GRID2: variants seen among roughly 807,000 people sequenced by gnomAD.
GRID2 encodes glutamate ionotropic receptor delta type subunit 2.
GRID2 carries 33 observed loss-of-function variants against 114.8 expected under a neutral mutation model. The observed-to-expected ratio is 0.29, with a 90% CI of 0.22 to 0.38. The LOEUF (loss-of-function observed/expected upper bound fraction) is 0.38, where lower values mean the gene tolerates loss of function less well. GRID2 is among the 10% of genes least tolerant of loss of function. The pLI is 1.00. For missense variants in GRID2, 1,184 were observed against 1,257.7 expected, an observed-to-expected ratio of 0.94 and a Z score of 0.89; for synonymous variants, 505 against 449.9, an observed-to-expected ratio of 1.12 and a Z score of -1.55.
At chr4:92,422,510 G>T (rs1731954295) in intron 1 of GRID2, among the ~76,000 whole-genome samples, 2 of 152,102 alleles carry the variant, frequency 1.3e-5, no homozygotes, top group Admixed American at 6.6e-5. Flanking sequence ...ACTTGGTGGG[G>T]AAGGGGAAGC....
chr4:93,798,168 TA>T (rs1287322181), intron 1 of GRID2, among the ~76,000 whole-genome samples: 2 of 151,024 alleles, frequency 1.3e-5, no homozygotes. Context: ...AGAAAAAAAA[TA>T]AAAAATAAAA....
intron 2 of GRID2, among the ~76,000 whole-genome samples, chr4:92,682,218 T>C (rs1733683203): frequency 6.6e-6 from 1 of 152,170 alleles, no homozygotes; most frequent in South Asian, 2.1e-4. Context: ...GATGGAACTA[T>C]AGCAAAATCT....
At chr4:93,434,718 T>A (rs1429434497) in intron 10 of GRID2, among the ~76,000 whole-genome samples, 1 of 152,088 alleles carries the variant, frequency 6.6e-6, no homozygotes, top group African/African-American at 2.4e-5. Flanking sequence ...GCAGCCAGAG[T>A]GATCCAGTCA....
At chr4:92,942,916 G>C (rs1047392228) in intron 2 of GRID2, among the ~76,000 whole-genome samples, 33 of 152,194 alleles carry the variant, frequency 2.2e-4, no homozygotes, top group African/African-American at 8.0e-4. Flanking sequence ...CTTCTGGCTT[G>C]TAGAGTTTCT....
chr4:93,438,487 G>C, intron 10 of GRID2, among the ~76,000 whole-genome samples: 1 of 152,024 alleles, frequency 6.6e-6, no homozygotes, highest in East Asian at 1.9e-4. Context: ...TTTTACAAAA[G>C]AGAAAAATGT....
At chr4:93,364,075 T>C (rs560543211) in intron 8 of GRID2, among the ~76,000 whole-genome samples, 1 of 152,092 alleles carries the variant, frequency 6.6e-6, no homozygotes, top group African/African-American at 2.4e-5. Context: ...TTGCTTTTTC[T>C]CATGAATAAC....
At chr4:93,193,610 C>G (rs189048902) in intron 4 of GRID2, among the ~76,000 whole-genome samples, 1 of 152,198 alleles carries the variant, frequency 6.6e-6, no homozygotes, top group Non-Finnish European at 1.5e-5. Context: ...TGTAAATTAC[C>G]CAGTCTCAAG....
chr4:93,550,491 A>G (rs1733653489), intron 13 of GRID2, among the ~76,000 whole-genome samples: 1 of 152,196 alleles, frequency 6.6e-6, no homozygotes, highest in African/African-American at 2.4e-5. Flanking sequence ...ACATTTATGA[A>G]AAAGTCATCC....
intron 14 of GRID2, among the ~76,000 whole-genome samples, chr4:93,664,201 G>A (rs1723753670): frequency 6.6e-6 from 1 of 152,204 alleles, no homozygotes. Context: ...TAAGCAGGCA[G>A]AGAGCAGAGA....
intron 14 of GRID2, among the ~76,000 whole-genome samples, chr4:93,694,363 T>G (rs2110122265): frequency 6.6e-6 from 1 of 152,318 alleles, no homozygotes; most frequent in South Asian, 2.1e-4. Context: ...TTAGCCTTAC[T>G]GTTTCCATTC....
chr4:93,083,381 C>T (rs1431147735), intron 2 of GRID2, among the ~76,000 whole-genome samples: 1 of 151,996 alleles, frequency 6.6e-6, no homozygotes, highest in Non-Finnish European at 1.5e-5. Context: ...AATTAGACCT[C>T]ACAATGTTAT....
At chr4:93,238,996 TAAG>T (rs934743317) in intron 8 of GRID2, among the ~76,000 whole-genome samples, 6 of 151,076 alleles carry the variant, frequency 4.0e-5, no homozygotes, top group South Asian at 2.1e-4. Context: ...TGATCACATG[TAAG>T]AAGAAGCTGA....
At chr4:92,472,321 T>A (rs1722086998) in intron 1 of GRID2, among the ~76,000 whole-genome samples, 1 of 152,156 alleles carries the variant, frequency 6.6e-6, no homozygotes. Context: ...GATTTGTTTA[T>A]CCACTCACAC....
intron 2 of GRID2, among the ~76,000 whole-genome samples, chr4:92,663,395 A>AT (rs1456276049): frequency 6.6e-6 from 1 of 151,146 alleles, no homozygotes; most frequent in African/African-American, 2.4e-5. Flanking sequence ...AAAGCTTAAT[A>AT]TACTAGTCAG....
chr4:92,641,831 G>GTACTTATTTGTGACTTCATAGT (rs1553911312), intron 2 of GRID2, among the ~76,000 whole-genome samples: 1 of 150,150 alleles, frequency 6.7e-6, no homozygotes, highest in Non-Finnish European at 1.5e-5. Context: ...CCCATTCTTA[G>GTACTTATTTGTGACTTCATAGT]GTCTATGTAT....
chr4:93,530,788 C>A (rs13116638), intron 13 of GRID2, among the ~76,000 whole-genome samples: 24,211 of 152,082 alleles, frequency 0.16, 2,584 homozygotes, highest in Middle Eastern at 0.27. Context: ...ATCTTTCTTT[C>A]CAACTTGAGT....
chr4:93,312,273 A>G (rs1756100164), intron 8 of GRID2, among the ~76,000 whole-genome samples: 1 of 152,184 alleles, frequency 6.6e-6, no homozygotes, highest in African/African-American at 2.4e-5. Flanking sequence ...CATAATTAGT[A>G]TGAATGCAGA....
At chr4:92,893,817 A>C (rs1746967616) in intron 2 of GRID2, among the ~76,000 whole-genome samples, 1 of 152,122 alleles carries the variant, frequency 6.6e-6, no homozygotes, top group Non-Finnish European at 1.5e-5. Context: ...GATAAGTTGA[A>C]ATGCAGATAA....
intron 2 of GRID2, among the ~76,000 whole-genome samples, chr4:92,962,452 G>A (rs1752884391): frequency 1.3e-5 from 2 of 151,852 alleles, no homozygotes; most frequent in African/African-American, 4.8e-5. Flanking sequence ...AGCTAGAATG[G>A]GCTGACGTTG....
Sources: allele counts gnomAD v4.1 joint callset (sites outside exome capture counted in the v4.1 genomes callset), GRCh38; gene constraint gnomAD v4.1.1; transcripts MANE v1.5; gene names NCBI Gene and HGNC (gene_info 2026-07-23, HGNC 2026-07-21).